The following RANBP2 variants were observed in gnomAD, a reference collection of about 807,000 sequenced individuals.
RANBP2 encodes RAN binding protein 2.
A neutral mutation model predicts 303.6 loss-of-function variants in RANBP2; 57 were observed. The ratio of observed to expected loss-of-function variants is 0.19; its 90% CI spans 0.15 to 0.23. The LOEUF (loss-of-function observed/expected upper bound fraction) is 0.23. RANBP2 is among the 10% of genes least tolerant of loss of function. RANBP2 has a pLI of 1.00. For missense variants in RANBP2, 3,138 were observed against 3,780.8 expected, an observed-to-expected ratio of 0.83 and a Z score of 4.46; for synonymous variants, 1,167 against 1,301.5, an observed-to-expected ratio of 0.90 and a Z score of 2.23.
the RANBP2 span, among the ~76,000 whole-genome samples, chr2:109,623,428 A>G: frequency 6.6e-6 from 1 of 152,074 alleles, no homozygotes; most frequent in East Asian, 1.9e-4. Flanking sequence ...GGGGCTGTTT[A>G]TGGGTTAACA....
At chr2:109,246,057 A>G in the RANBP2 span, among the ~76,000 whole-genome samples, 11 of 152,220 alleles carry the variant, frequency 7.2e-5, no homozygotes, top group African/African-American at 1.7e-4. Context: ...TCATACTTCA[A>G]TTTTACACCT....
chr2:109,570,996 G>A, the RANBP2 span, among the ~76,000 whole-genome samples: 2,427 of 152,240 alleles, frequency 0.016, 28 homozygotes, highest in Non-Finnish European at 0.027. Flanking sequence ...CTGGTGAGAG[G>A]TGACTGGATC....
At chr2:109,766,258 G>C in the RANBP2 span, among the ~76,000 whole-genome samples, 1 of 151,210 alleles carries the variant, frequency 6.6e-6, no homozygotes, top group African/African-American at 2.4e-5. Flanking sequence ...TGGGGAAGGG[G>C]CTGCTCATCA....
chr2:108,806,987 G>A, the RANBP2 span, among the ~76,000 whole-genome samples: 16 of 152,100 alleles, frequency 1.1e-4, no homozygotes, highest in Non-Finnish European at 2.2e-4. Flanking sequence ...ACTGAAACCT[G>A]GCCTTGATTA....
the RANBP2 span, among the ~76,000 whole-genome samples, chr2:108,996,402 C>T: frequency 2.0e-5 from 3 of 152,302 alleles, no homozygotes; most frequent in African/African-American, 2.4e-5. Flanking sequence ...TTCAAGGTGG[C>T]TGGTAATGTC....
the RANBP2 span, chr2:109,544,701 T>A: frequency 1.2e-6 from 1 of 858,624 alleles, no homozygotes; most frequent in South Asian, 5.4e-5. Flanking sequence ...ATCCAAAGCA[T>A]GTTGAAAAGC....
chr2:109,542,882 T>C, the RANBP2 span: 1 of 152,512 alleles, frequency 6.6e-6, no homozygotes, highest in Admixed American at 6.5e-5. Context: ...TTTCATTGTC[T>C]GAAAATACTC....
At chr2:109,473,361 G>A in the RANBP2 span, among the ~76,000 whole-genome samples, 1 of 152,156 alleles carries the variant, frequency 6.6e-6, no homozygotes, top group Non-Finnish European at 1.5e-5. Flanking sequence ...AGTTGACATC[G>A]TGTTCAGAAT....
At chr2:109,135,127 G>C in the RANBP2 span, among the ~76,000 whole-genome samples, 1 of 152,238 alleles carries the variant, frequency 6.6e-6, no homozygotes, top group Non-Finnish European at 1.5e-5. Context: ...ACACCCAGTA[G>C]TGGAGACAGC....
chr2:109,046,555 C>A, the RANBP2 span, among the ~76,000 whole-genome samples: 1 of 151,446 alleles, frequency 6.6e-6, no homozygotes, highest in African/African-American at 2.4e-5. Context: ...TAGAGGTGCC[C>A]GCCACCACAC....
At chr2:109,353,235 GCCT>G in the RANBP2 span, among the ~76,000 whole-genome samples, 1 of 152,222 alleles carries the variant, frequency 6.6e-6, no homozygotes, top group South Asian at 2.1e-4. Context: ...AGCTGCACTG[GCCT>G]CCTGGTGGGT....
chr2:108,931,981 A>C, the RANBP2 span, among the ~76,000 whole-genome samples: 9 of 152,138 alleles, frequency 5.9e-5, no homozygotes, highest in Non-Finnish European at 1.3e-4. Context: ...CACAGCCCAG[A>C]AGACCAGCTG....
the RANBP2 span, among the ~76,000 whole-genome samples, chr2:109,305,920 C>A: frequency 6.7e-6 from 1 of 150,104 alleles, no homozygotes; most frequent in Non-Finnish European, 1.5e-5. Flanking sequence ...CTTTGGGCTG[C>A]TCCTCCAGCT....
chr2:109,459,911 G>A, the RANBP2 span, among the ~76,000 whole-genome samples: 1 of 152,184 alleles, frequency 6.6e-6, no homozygotes, highest in African/African-American at 2.4e-5. Flanking sequence ...CCTGGCTGTA[G>A]GAGAAATAGC....
rs1049408892 is a variant in RANBP2, at chr2:108,785,435, C to A, written c.*1534C>A. 1.3e-5 allele frequency: 2 copies of A among 152,138 alleles called. No homozygotes were observed. The highest frequency in any genetic ancestry group is 2.9e-5 in the Non-Finnish European group (2 of 68,030). 9.4% of individuals were successfully genotyped at this position (152,138 alleles called of 1,614,324 possible). On this transcript the variant is annotated 3_prime_UTR_variant, in exon 29 of 29. Transcript: ENST00000283195. ...AACTTTTCAGCTGAGACAGTTGATGCCTTCGTCATGATTTTAGAATAAATT... is the reference window on the plus strand; with the variant it reads ...AACTTTTCAGCTGAGACAGTTGATGACTTCGTCATGATTTTAGAATAAATT...
the RANBP2 span, among the ~76,000 whole-genome samples, chr2:109,355,367 C>T: frequency 1.3e-5 from 2 of 152,202 alleles, no homozygotes; most frequent in East Asian, 3.8e-4. Flanking sequence ...TTAGTTCACT[C>T]ATCTACATCA....
the RANBP2 span, among the ~76,000 whole-genome samples, chr2:109,655,998 A>T: frequency 6.6e-6 from 1 of 152,152 alleles, no homozygotes; most frequent in East Asian, 1.9e-4. Context: ...GTCAGTTTTG[A>T]TTTGTAAACT....
chr2:109,390,360 G>A, the RANBP2 span, among the ~76,000 whole-genome samples: 1 of 152,154 alleles, frequency 6.6e-6, no homozygotes, highest in Non-Finnish European at 1.5e-5. Flanking sequence ...CCCTGCTGAG[G>A]GGCTAATCAG....
At chr2:109,565,600 G>T in the RANBP2 span, among the ~76,000 whole-genome samples, 23 of 151,886 alleles carry the variant, frequency 1.5e-4, 1 homozygote, top group Admixed American at 1.5e-3. Context: ...ATGAGAAGTG[G>T]GAGGCTCTAC....
Sources: allele counts gnomAD v4.1 joint callset (sites outside exome capture counted in the v4.1 genomes callset), GRCh38; gene constraint gnomAD v4.1.1; transcripts MANE v1.5; gene names NCBI Gene and HGNC (gene_info 2026-07-23, HGNC 2026-07-21).